DLGAP2: variants seen among roughly 807,000 people sequenced by gnomAD.
DLGAP2 encodes DLG associated protein 2.
DLGAP2 carries 26 observed loss-of-function variants against 100.3 expected under a neutral mutation model. That is an observed-to-expected ratio of 0.26 (90% CI 0.19 to 0.36). The LOEUF (loss-of-function observed/expected upper bound fraction) is 0.36, where lower values mean the gene tolerates loss of function less well. Ranked by LOEUF, DLGAP2 falls within the 10% of genes least tolerant of loss-of-function variation. The pLI is 1.00. For synonymous variants in DLGAP2, 886 were observed against 630.1 expected (o/e 1.41, Z -6.08); for missense variants, 1,858 against 1,453.2 (o/e 1.28, Z -4.53).
intron 1 of DLGAP2, among the ~76,000 whole-genome samples, chr8:784,366 A>T (rs1821781255): frequency 6.6e-6 from 1 of 152,258 alleles, no homozygotes; most frequent in Non-Finnish European, 1.5e-5. Context: ...GTGGGTATAG[A>T]CAGAAAAAGA....
chr8:1,452,975 G>A (rs1390735405), intron 3 of DLGAP2, among the ~76,000 whole-genome samples: 2 of 152,206 alleles, frequency 1.3e-5, no homozygotes, highest in Admixed American at 1.3e-4. Context: ...AGGTGTTATG[G>A]ATGGGAAGGA....
At chr8:1,376,346 T>G (rs955902611) in intron 3 of DLGAP2, among the ~76,000 whole-genome samples, 1 of 152,198 alleles carries the variant, frequency 6.6e-6, no homozygotes, top group Non-Finnish European at 1.5e-5. Context: ...TGCACCGCAG[T>G]CCCTCTAGAG....
chr8:911,106 C>A (rs376277519), intron 2 of DLGAP2, among the ~76,000 whole-genome samples: 1 of 152,134 alleles, frequency 6.6e-6, no homozygotes, highest in East Asian at 1.9e-4. Context: ...GTGAACCCGT[C>A]TAAAGTTTTA....
In DLGAP2 at chr8:1,509,326, TC is replaced by T. The variant is rs1473770361; in HGVS notation, c.172+7897del. Among the ~76,000 whole-genome samples the T allele has an allele frequency of 9.6e-3, 692 of 71,812 alleles. 15 individuals carry two copies. The highest frequency in any genetic ancestry group is 0.026 in the African/African-American group (515 of 19,680). 47.1% of individuals were successfully genotyped at this position (71,812 alleles called of 152,430 possible). ...GGCCTGGCAACAGAGCAAGACTCCGTCCAAAAAAAAAAAAAAAACCGTATAG... is the reference window on the plus strand; with the variant it reads ...GGCCTGGCAACAGAGCAAGACTCCGTCAAAAAAAAAAAAAAAACCGTATAG... On this transcript the variant is annotated intron_variant, in intron 4 of 14. Coordinates refer to ENST00000637795, the MANE Select transcript of DLGAP2 (RefSeq NM_001346810.2).
At chr8:839,884 G>C (rs899951051) in intron 1 of DLGAP2, among the ~76,000 whole-genome samples, 1 of 152,190 alleles carries the variant, frequency 6.6e-6, no homozygotes, top group South Asian at 2.1e-4. Context: ...TCCCCAGGCC[G>C]TTTGGCCTGT....
intron 2 of DLGAP2, among the ~76,000 whole-genome samples, chr8:1,237,612 T>C (rs1395126481): frequency 6.8e-6 from 1 of 147,996 alleles, no homozygotes; most frequent in Non-Finnish European, 1.5e-5. Flanking sequence ...GCGCCGTGTC[T>C]AGTTACGTCT....
At chr8:1,204,334 A>G (rs1411472854) in intron 2 of DLGAP2, among the ~76,000 whole-genome samples, 1 of 152,204 alleles carries the variant, frequency 6.6e-6, no homozygotes, top group African/African-American at 2.4e-5. Flanking sequence ...ATTACAGGCC[A>G]TGGTGTGGAA....
At chr8:1,516,761 G>C (rs915575134) in intron 4 of DLGAP2, among the ~76,000 whole-genome samples, 3 of 152,202 alleles carry the variant, frequency 2.0e-5, no homozygotes, top group African/African-American at 7.2e-5. Context: ...CTGAGTGAAA[G>C]AGTACACGAA....
chr8:1,462,961 C>G (rs1324073623), intron 3 of DLGAP2, among the ~76,000 whole-genome samples: 1 of 152,196 alleles, frequency 6.6e-6, no homozygotes, highest in African/African-American at 2.4e-5. Context: ...AATTAAAGTT[C>G]AAGTGGGCCA....
chr8:885,288 CTCTCATTTCCTTGA>C (rs1415010203), intron 1 of DLGAP2, among the ~76,000 whole-genome samples: 8 of 152,178 alleles, frequency 5.3e-5, no homozygotes, highest in Non-Finnish European at 1.0e-4. Context: ...TCTTTGTGTT[CTCTCATTTCCTTGA>C]GCAGTGGTTT....
chr8:1,265,823 A>G (rs1278979871), intron 3 of DLGAP2, among the ~76,000 whole-genome samples: 1 of 152,224 alleles, frequency 6.6e-6, no homozygotes, highest in Non-Finnish European at 1.5e-5. Flanking sequence ...AATGCAAAAT[A>G]TTTAATATAA....
intron 2 of DLGAP2, among the ~76,000 whole-genome samples, chr8:1,186,350 C>T (rs1193758933): frequency 6.6e-6 from 1 of 152,230 alleles, no homozygotes; most frequent in African/African-American, 2.4e-5. Context: ...TTCTAACCAG[C>T]ATCGACATAG....
chr8:1,476,185 C>G (rs1298283964), intron 3 of DLGAP2, among the ~76,000 whole-genome samples: 1 of 152,198 alleles, frequency 6.6e-6, no homozygotes, highest in African/African-American at 2.4e-5. Context: ...AGCAAAGGTG[C>G]TTTCATGGAT....
At chr8:1,334,070 C>T (rs897204200) in intron 3 of DLGAP2, among the ~76,000 whole-genome samples, 3 of 152,240 alleles carry the variant, frequency 2.0e-5, no homozygotes, top group Non-Finnish European at 2.9e-5. Context: ...GACCCCTGTG[C>T]CCCTGAGAGC....
intron 3 of DLGAP2, among the ~76,000 whole-genome samples, chr8:1,498,315 A>G (rs760571469): frequency 1.3e-5 from 2 of 152,194 alleles, no homozygotes; most frequent in African/African-American, 2.4e-5. Flanking sequence ...AAGGAAGGAA[A>G]AAGAAGGGAA....
chr8:824,974 G>A lies in DLGAP2; in HGVS notation c.19-82938G>A, dbSNP rs558991007. 3.3e-5 allele frequency among the ~76,000 whole-genome samples: 5 copies of A among 152,304 alleles called. No homozygotes were observed. The East Asian group carries it at 5.8e-4, about 18-fold the overall frequency. On this transcript the variant is annotated intron_variant, in intron 1 of 14. Transcript: ENST00000637795. ...TTTTGAGAGGGGCCGCCCCACCTCC[G>A]TGGCGGTCTTTGGAGCGATGTCTTC... is the stretch of plus-strand genomic sequence containing the variant.
chr8:831,628 G>C (rs1349771445), intron 1 of DLGAP2, among the ~76,000 whole-genome samples: 1 of 152,106 alleles, frequency 6.6e-6, no homozygotes, highest in Non-Finnish European at 1.5e-5. Context: ...ATGGACATTT[G>C]GGTTGGTTCC....
chr8:1,623,801 G>T (rs914172960), intron 6 of DLGAP2, among the ~76,000 whole-genome samples: 1 of 152,252 alleles, frequency 6.6e-6, no homozygotes, highest in African/African-American at 2.4e-5. Flanking sequence ...TTAGGACAAT[G>T]CAAAACACTT....
At chr8:1,008,346 G>A (rs1224948298) in intron 2 of DLGAP2, among the ~76,000 whole-genome samples, 1 of 152,162 alleles carries the variant, frequency 6.6e-6, no homozygotes, top group Non-Finnish European at 1.5e-5. Context: ...TGTCTATAAT[G>A]TAGCCCAAGC....
Sources: gnomAD v4.1 joint callset for allele counts (sites outside exome capture counted in the v4.1 genomes callset) on GRCh38, gnomAD v4.1.1 for gene constraint, MANE v1.5 for transcripts, NCBI Gene and HGNC (gene_info 2026-07-23, HGNC 2026-07-21) for gene names.